MEIS2: variants seen among roughly 807,000 people sequenced by gnomAD.
MEIS2 encodes Meis homeobox 2.
In MEIS2, 9 loss-of-function variants were observed where a neutral mutation model predicts 58.6. That is an observed-to-expected ratio of 0.15 (90% CI 0.09 to 0.27). The LOEUF (loss-of-function observed/expected upper bound fraction) is 0.27, where lower values mean the gene tolerates loss of function less well. MEIS2 is among the 10% of genes least tolerant of loss of function. MEIS2 has a pLI of 1.00. For synonymous variants in MEIS2, 221 were observed against 228.4 expected, an observed-to-expected ratio of 0.97 and a Z score of 0.29; for missense variants, 427 against 635.0, an observed-to-expected ratio of 0.67 and a Z score of 3.52.
intron 8 of MEIS2, among the ~76,000 whole-genome samples, chr15:37,015,229 G>A (rs916485038): frequency 1.3e-5 from 2 of 152,288 alleles, no homozygotes; most frequent in East Asian, 3.9e-4. Flanking sequence ...GTAAATCAGA[G>A]CCTGTCACGG....
chr15:36,993,375 C>T (rs2060367563), intron 8 of MEIS2, among the ~76,000 whole-genome samples: 1 of 152,088 alleles, frequency 6.6e-6, no homozygotes, highest in Non-Finnish European at 1.5e-5. Context: ...CATATCATTT[C>T]TTATAATTGT....
chr15:36,946,799 T>C (rs1480199270), intron 9 of MEIS2, among the ~76,000 whole-genome samples: 2 of 152,038 alleles, frequency 1.3e-5, no homozygotes, highest in African/African-American at 4.8e-5. Context: ...TAGTAATTGC[T>C]GAAGGTCAAA....
rs1223139863 is a variant in MEIS2, at chr15:36,889,983, TGACTA to T, written c.*2185_*2189del. ...GAAATGTATTTGTAAAAATTCTACCTGACTAAATATAACACAAAACAATAGAAGTG... is the reference window on the plus strand; with the variant it reads ...GAAATGTATTTGTAAAAATTCTACCTAATATAACACAAAACAATAGAAGTG... On this transcript the variant is annotated 3_prime_UTR_variant, in exon 12 of 12. Transcript: ENST00000561208. 1.3e-5 allele frequency: 2 copies of T among 152,172 alleles called. No homozygotes were observed. Among genetic ancestry groups the T allele is most frequent in the Non-Finnish European group, 2.9e-5 (2 of 68,008 alleles). 9.4% of individuals were successfully genotyped at this position (152,172 alleles called of 1,614,324 possible).
At chr15:37,018,648 C>G (rs2061426734) in intron 8 of MEIS2, among the ~76,000 whole-genome samples, 1 of 152,084 alleles carries the variant, frequency 6.6e-6, no homozygotes, top group Admixed American at 6.5e-5. Flanking sequence ...TCTTGAAATA[C>G]CTAAGAATCC....
chr15:36,991,692 A>G (rs1457970772), intron 8 of MEIS2, among the ~76,000 whole-genome samples: 1 of 151,940 alleles, frequency 6.6e-6, no homozygotes, highest in African/African-American at 2.4e-5. Flanking sequence ...AGGCAAGTAC[A>G]AAGTATTAAC....
intron 8 of MEIS2, among the ~76,000 whole-genome samples, chr15:37,019,444 T>C (rs1261736331): frequency 6.6e-6 from 1 of 152,220 alleles, no homozygotes; most frequent in Non-Finnish European, 1.5e-5. Context: ...CAATGGAATA[T>C]GCATTGTATC....
At chr15:37,090,505 A>G (rs1005956190) in intron 6 of MEIS2, among the ~76,000 whole-genome samples, 1 of 152,160 alleles carries the variant, frequency 6.6e-6, no homozygotes, top group Non-Finnish European at 1.5e-5. Flanking sequence ...GTCTGCCAAT[A>G]TACTTGCTTT....
At chr15:36,965,653 G>A (rs922510907) in intron 8 of MEIS2, among the ~76,000 whole-genome samples, 8 of 152,168 alleles carry the variant, frequency 5.3e-5, no homozygotes, top group African/African-American at 1.9e-4. Context: ...CAGAACATAA[G>A]CTTCTTGAAG....
rs968915090 is a variant in MEIS2 at position 36,895,013 on chromosome 15, A to C, written c.1147+138T>G. 1.8e-5 allele frequency: 16 copies of C among 913,850 alleles called. 1 individual carries two copies. Among genetic ancestry groups the C allele is most frequent in the East Asian group, 9.7e-5 (4 of 41,294 alleles). 56.6% of individuals were successfully genotyped at this position (913,850 alleles called of 1,614,324 possible). A position where few individuals can be genotyped will look rare whatever the true frequency, so the allele number is the denominator to read the frequency against. ...AAAGAGGAATTTTTTCCCCCACCCA[A>C]TGTAAAGAAAGCAGGCAGAGCAGGC... is the stretch of plus-strand genomic sequence containing the variant. On this transcript the variant is annotated intron_variant, in intron 11 of 11. Transcript: ENST00000561208.
chr15:36,912,140 T>C (rs1239850305), intron 9 of MEIS2, among the ~76,000 whole-genome samples: 2 of 148,804 alleles, frequency 1.3e-5, no homozygotes, highest in African/African-American at 2.5e-5. Context: ...CCAATATAAA[T>C]ACATTTTAGG....
chr15:37,010,903 A>G (rs1249432441), intron 8 of MEIS2, among the ~76,000 whole-genome samples: 4 of 152,262 alleles, frequency 2.6e-5, no homozygotes, highest in African/African-American at 9.6e-5. Context: ...TTTAGGGAGC[A>G]TAAGACAAAT....
intron 1 of MEIS2, among the ~76,000 whole-genome samples, chr15:37,098,745 A>G (rs1894714749): frequency 6.6e-6 from 1 of 151,786 alleles, no homozygotes. Flanking sequence ...GCCTCCTCTG[A>G]GGATCCAATA....
chr15:37,029,810 A>G (rs1343230243), intron 8 of MEIS2, among the ~76,000 whole-genome samples: 1 of 152,206 alleles, frequency 6.6e-6, no homozygotes, highest in Non-Finnish European at 1.5e-5. Flanking sequence ...GAGGTTGAAT[A>G]ATATCACAGA....
chr15:36,948,881 G>T (rs1269875805), intron 9 of MEIS2, among the ~76,000 whole-genome samples: 2 of 152,006 alleles, frequency 1.3e-5, no homozygotes, highest in Admixed American at 6.6e-5. Flanking sequence ...GGTCTAAAGG[G>T]TGTCTTTAAA....
chr15:37,003,851 C>A (rs1595905386), intron 8 of MEIS2, among the ~76,000 whole-genome samples: 1 of 152,186 alleles, frequency 6.6e-6, no homozygotes, highest in South Asian at 2.1e-4. Context: ...CTCCCTCACC[C>A]CTTCTGCCAT....
At chr15:36,923,165 C>T (rs2057591374) in intron 9 of MEIS2, among the ~76,000 whole-genome samples, 1 of 152,078 alleles carries the variant, frequency 6.6e-6, no homozygotes, top group South Asian at 2.1e-4. Flanking sequence ...TTCTGGAGGG[C>T]ACAAAAGGTA....
intron 8 of MEIS2, among the ~76,000 whole-genome samples, chr15:36,974,468 A>G (rs1283743937): frequency 1.3e-5 from 2 of 152,208 alleles, no homozygotes; most frequent in African/African-American, 2.4e-5. Flanking sequence ...ATTCTCCCAA[A>G]TTATTTGAGA....
chr15:36,898,792 A>G (rs2056317562), intron 9 of MEIS2: 1 of 152,344 alleles, frequency 6.6e-6, no homozygotes, highest in East Asian at 1.9e-4. Flanking sequence ...TTACATTAGT[A>G]AAAACGAGGT....
chr15:37,097,823 G>T, intron 2 of MEIS2, 144 bp downstream of exon 2: 3 of 1,242,142 alleles, frequency 2.4e-6, no homozygotes, highest in Non-Finnish European at 2.1e-6. Flanking sequence ...CCCCCTCCAC[G>T]GTCCCTTCCT....
Sources: allele counts gnomAD v4.1 joint callset (sites outside exome capture counted in the v4.1 genomes callset), GRCh38; gene constraint gnomAD v4.1.1; transcripts MANE v1.5; gene names NCBI Gene and HGNC (gene_info 2026-07-23, HGNC 2026-07-21).